TREM1: variants seen among roughly 807,000 people sequenced by gnomAD.
TREM1 encodes triggering receptor expressed on monocytes 1.
TREM1 carries 16 observed loss-of-function variants against 22.4 expected under a neutral mutation model. The ratio of observed to expected loss-of-function variants is 0.71; its 90% CI spans 0.48 to 1.08. The LOEUF (loss-of-function observed/expected upper bound fraction) is 1.08. TREM1 is among the 50% of genes least tolerant of loss of function. The probability of loss-of-function intolerance (pLI) is 0.00; values close to 1 mark genes in which losing one functional copy is unlikely to be tolerated. For missense variants in TREM1, 283 were observed against 282.9 expected, an observed-to-expected ratio of 1.00 and a Z score of 0.00; for synonymous variants, 110 against 111.6, an observed-to-expected ratio of 0.99 and a Z score of 0.09.
chr6:41,282,677 C>T lies in TREM1; in HGVS notation c.124G>A (p.Asp42Asn). ...KEGQTLDVKC[D>N]YTLEKFASSQ... Reference sequence around the variant, plus strand: ...CTGGCAAACTTCTCTAGCGTGTAGTCACATTTCACATCCAGGGTCTGCCCC... The same window carrying T: ...CTGGCAAACTTCTCTAGCGTGTAGTTACATTTCACATCCAGGGTCTGCCCC... Residue 42 changes from aspartate (D) to asparagine (N), a missense_variant, in exon 2 of 4, where the codon GAC becomes AAC. Asp to Asn is a conservative substitution (Grantham distance 23). Transcript: ENST00000244709. 1.2e-6 allele frequency: 2 copies of T among 1,614,100 alleles called. No homozygotes were observed. Among genetic ancestry groups the T allele is most frequent in the Non-Finnish European group, 1.7e-6 (2 of 1,179,988 alleles).
In TREM1 at chr6:41,275,895, C is replaced by T; in HGVS notation, c.*230G>A. 1 of 561,936 alleles carries T rather than the reference C, an allele frequency of 1.8e-6. No homozygotes were observed. Among genetic ancestry groups the T allele is most frequent in the Non-Finnish European group, 3.2e-6 (1 of 313,122 alleles). 34.8% of individuals were successfully genotyped at this position (561,936 alleles called of 1,614,324 possible). A position where few individuals can be genotyped will look rare whatever the true frequency, so the allele number is the denominator to read the frequency against. ...GTGGCTGGTGGAATGAAGGACCAAG[C>T]ATGTTTGGGGCTGTAACTTCTTTTC... is the stretch of plus-strand genomic sequence containing the variant. On this transcript the variant is annotated 3_prime_UTR_variant, in exon 4 of 4. Coordinates refer to ENST00000244709, the MANE Select transcript of TREM1 (RefSeq NM_018643.5).
At chr6:41,280,400 A>G (rs966242870) in intron 3 of TREM1, 3 of 990,054 alleles carry the variant, frequency 3.0e-6, no homozygotes, top group South Asian at 4.6e-5. Flanking sequence ...TTTATCTATA[A>G]TTGGGCACAT....
chr6:41,276,254 G>A (rs770909089), intron 3 of TREM1, 24 bp from the exon 4 acceptor site: 26 of 1,565,342 alleles, frequency 1.7e-5, no homozygotes, highest in African/African-American at 6.8e-5. Context: ...GAGGCTGAAC[G>A]CTACTGCTGG....
At chr6:41,284,008 G>GA (rs1407429953) in intron 1 of TREM1, among the ~76,000 whole-genome samples, 5 of 151,834 alleles carry the variant, frequency 3.3e-5, no homozygotes, top group South Asian at 4.2e-4. Flanking sequence ...AAGAAAGAGA[G>GA]AAAAAAACCC....
chr6:41,268,892 T>A (rs1031975298), downstream of TREM1, among the ~76,000 whole-genome samples: 1 of 152,182 alleles, frequency 6.6e-6, no homozygotes, highest in Non-Finnish European at 1.5e-5. Context: ...TGACCGGGTA[T>A]CCTTGGATGT....
At chr6:41,280,655 A>C in intron 3 of TREM1, 9 of 1,392,422 alleles carry the variant, frequency 6.5e-6, no homozygotes, top group Non-Finnish European at 9.3e-7. Flanking sequence ...ACTGCCCATC[A>C]GGCCCCTGGG....
In TREM1 at chr6:41,286,631, G is replaced by A. The variant is rs368388209; in HGVS notation, c.25C>T (p.Leu9=). 1.2e-6 allele frequency: 2 copies of A among 1,613,974 alleles called. No homozygotes were observed. The highest frequency in any genetic ancestry group is 8.5e-7 in the Non-Finnish European group (1 of 1,179,948). Residue 9 remains leucine (L), a synonymous_variant, in exon 1 of 4, where the codon CTG becomes TTG. Coordinates refer to ENST00000244709, the MANE Select transcript of TREM1 (RefSeq NM_018643.5). ...CCTGAGACAAAGAGCATCCACAGCA[G>A]CCCCCAGAGCCTGGTCTTCCTCATC... MRKTRLWG[L]LWMLFVSELR...
At chr6:41,277,537 C>CAGTG (rs1027404614) in intron 3 of TREM1, among the ~76,000 whole-genome samples, 3 of 152,206 alleles carry the variant, frequency 2.0e-5, no homozygotes, top group African/African-American at 7.2e-5. Flanking sequence ...TCTCTCCTGC[C>CAGTG]AGTGCTCTGC....
At chr6:41,282,271 G>A in intron 2 of TREM1, 124 bp downstream of exon 2, 1 of 745,384 alleles carries the variant, frequency 1.3e-6, no homozygotes. Flanking sequence ...TTAGATGAGA[G>A]ATAAAGAGGT....
intron 1 of TREM1, among the ~76,000 whole-genome samples, chr6:41,284,742 C>T (rs1158025744): frequency 6.6e-6 from 1 of 152,164 alleles, no homozygotes; most frequent in Non-Finnish European, 1.5e-5. Flanking sequence ...CATGCCCACC[C>T]CAGGATAGGC....
chr6:41,278,821 A>G (rs988506485), intron 3 of TREM1, among the ~76,000 whole-genome samples: 1 of 152,158 alleles, frequency 6.6e-6, no homozygotes, highest in African/African-American at 2.4e-5. Flanking sequence ...AAGGCAGGAG[A>G]ATAGGGTCTG....
At chr6:41,286,500 G>T in intron 1 of TREM1, 107 bp downstream of exon 1, 2 of 1,153,878 alleles carry the variant, frequency 1.7e-6, no homozygotes, top group Non-Finnish European at 2.6e-6. Flanking sequence ...ATAACTACTG[G>T]TTGGCTCTAT....
downstream of TREM1, chr6:41,269,731 G>A (rs1445014747): frequency 6.6e-6 from 1 of 152,204 alleles, no homozygotes; most frequent in East Asian, 1.9e-4. Context: ...GAAGACCCAG[G>A]TCCCCTGGTT....
At chr6:41,283,717 AAAACACACAC>A (rs928911500) in intron 1 of TREM1, among the ~76,000 whole-genome samples, 4 of 123,748 alleles carry the variant, frequency 3.2e-5, no homozygotes, top group African/African-American at 6.2e-5. Flanking sequence ...GTTAAAAAAA[AAAACACACAC>A]ACACACACAC....
At chr6:41,268,271 A>T (rs1224837958) in intron 3 of TREM1, among the ~76,000 whole-genome samples, 1 of 152,194 alleles carries the variant, frequency 6.6e-6, no homozygotes, top group Non-Finnish European at 1.5e-5. Context: ...CAGTTCCTGG[A>T]GAGAAGGAAT....
chr6:41,280,242 A>T (rs895132038), intron 3 of TREM1: 9 of 976,054 alleles, frequency 9.2e-6, no homozygotes, highest in Non-Finnish European at 1.1e-5. Flanking sequence ...TGATAAACAC[A>T]TTCTAATATA....
downstream of TREM1, among the ~76,000 whole-genome samples, chr6:41,272,856 G>A (rs1308204863): frequency 6.6e-6 from 1 of 152,202 alleles, no homozygotes; most frequent in East Asian, 1.9e-4. Flanking sequence ...CTTGGATCCT[G>A]TCAACATTGG....
chr6:41,278,276 G>T (rs901625612), intron 3 of TREM1, among the ~76,000 whole-genome samples: 2 of 152,066 alleles, frequency 1.3e-5, no homozygotes, highest in Admixed American at 1.3e-4. Context: ...AAACTACCTA[G>T]AGATAGGGTG....
chr6:41,284,280 T>C (rs2113996571), intron 1 of TREM1, among the ~76,000 whole-genome samples: 1 of 152,272 alleles, frequency 6.6e-6, no homozygotes, highest in Non-Finnish European at 1.5e-5. Flanking sequence ...CAATCTACAG[T>C]GCACAGGACA....
Sources: allele counts gnomAD v4.1 joint callset (sites outside exome capture counted in the v4.1 genomes callset), GRCh38; gene constraint gnomAD v4.1.1; transcripts MANE v1.5; gene names NCBI Gene and HGNC (gene_info 2026-07-23, HGNC 2026-07-21).